PSMA1: variants seen among roughly 807,000 people sequenced by gnomAD.
The protein encoded by PSMA1 is proteasome 20S subunit alpha 1, also known as proteasome subunit alpha type-1.
In PSMA1, 3 loss-of-function variants were observed where a neutral mutation model predicts 38.4. The observed-to-expected ratio is 0.08, with a 90% CI of 0.04 to 0.20. The LOEUF (loss-of-function observed/expected upper bound fraction) is 0.20, where lower values mean the gene tolerates loss of function less well. PSMA1 is among the 10% of genes least tolerant of loss of function. The pLI is 1.00. For missense variants in PSMA1, 227 were observed against 325.3 expected (o/e 0.70, Z 2.32); for synonymous variants, 101 against 107.1 (o/e 0.94, Z 0.35).
chr11:14,619,116 A>G (rs999981564), intron 1 of PSMA1, among the ~76,000 whole-genome samples: 5 of 152,070 alleles, frequency 3.3e-5, no homozygotes. Context: ...AGCCAGGGGG[A>G]AAGACTTAAA....
chr11:14,540,632 G>A (rs1334435494), intron 2 of PSMA1, among the ~76,000 whole-genome samples: 12 of 152,084 alleles, frequency 7.9e-5, no homozygotes. Context: ...AATTGTGAAC[G>A]TAAAAAAGGA....
At chr11:14,560,965 A>G (rs561673932) in intron 2 of PSMA1, among the ~76,000 whole-genome samples, 2 of 152,334 alleles carry the variant, frequency 1.3e-5, no homozygotes, top group South Asian at 4.1e-4. Context: ...AAAATATATG[A>G]AAGGAAAATT....
At chr11:14,610,739 C>T in intron 2 of PSMA1, 2 of 527,356 alleles carry the variant, frequency 3.8e-6, no homozygotes, top group Non-Finnish European at 3.4e-6. Flanking sequence ...TAGGTTAATC[C>T]CTTTCTTTTT....
chr11:14,519,158 C>A (rs1310692196), intron 1 of PSMA1, 117 bp from the exon 2 acceptor site: 1 of 841,412 alleles, frequency 1.2e-6, no homozygotes, highest in Non-Finnish European at 2.0e-6. Flanking sequence ...TCTGTTCATG[C>A]AGTCTTACTG....
intron 1 of PSMA1, among the ~76,000 whole-genome samples, chr11:14,616,448 G>T (rs1456574659): frequency 1.3e-5 from 2 of 151,830 alleles, no homozygotes; most frequent in African/African-American, 4.8e-5. Context: ...GGCTAGGCTG[G>T]TCTCGAACTC....
rs191440521 is a variant in PSMA1, at chr11:14,536,565, A to G, written c.22-17524T>C. Among the ~76,000 whole-genome samples the G allele has an allele frequency of 5.8e-3, 879 of 151,910 alleles. 9 individuals carry two copies. Among genetic ancestry groups the G allele is most frequent in the African/African-American group, 0.02 (835 of 41,434 alleles). ...AACAGAAAAACAAACAAAAAAACTC[A>G]GATATTTCTTCCTCTAATAGGACAA... On this transcript the variant is annotated intron_variant, in intron 2 of 10. Transcript: ENST00000418988.
intron 2 of PSMA1, among the ~76,000 whole-genome samples, chr11:14,607,435 T>G (rs955570949): frequency 1.3e-5 from 2 of 152,214 alleles, no homozygotes; most frequent in East Asian, 3.8e-4. Flanking sequence ...GGGTTGCTTC[T>G]GACCCCAGAA....
chr11:14,607,850 C>A (rs1173293591), intron 2 of PSMA1, among the ~76,000 whole-genome samples: 1 of 152,116 alleles, frequency 6.6e-6, no homozygotes, highest in Non-Finnish European at 1.5e-5. Flanking sequence ...TGTTTTAGTA[C>A]CCTAGTCATC....
intron 7 of PSMA1, 163 bp downstream of exon 7, chr11:14,513,407 G>A (rs1394520457): frequency 5.4e-6 from 4 of 744,052 alleles, no homozygotes; most frequent in African/African-American, 1.8e-5. Context: ...GTTAAGATTA[G>A]TATATGTGAC....
chr11:14,582,479 A>C (rs1429210461), intron 2 of PSMA1, among the ~76,000 whole-genome samples: 1 of 143,604 alleles, frequency 7.0e-6, no homozygotes, highest in Non-Finnish European at 1.5e-5. Flanking sequence ...CAACAACAAC[A>C]ACCAAAAAAC....
intron 7 of PSMA1, 38 bp downstream of exon 7, chr11:14,513,532 C>CAA (rs59773789): frequency 2.4e-4 from 276 of 1,154,544 alleles, no homozygotes; most frequent in South Asian, 6.6e-4. Flanking sequence ...CTGGAAAAGG[C>CAA]AAAAAAAAAA....
At chr11:14,551,316 A>G (rs893776365) in intron 2 of PSMA1, among the ~76,000 whole-genome samples, 1 of 152,218 alleles carries the variant, frequency 6.6e-6, no homozygotes, top group Non-Finnish European at 1.5e-5. Context: ...CAAAGAAATT[A>G]TATGGCTTTC....
chr11:14,507,797 A>G, intron 8 of PSMA1, 31 bp from the exon 9 acceptor site: 1 of 1,392,746 alleles, frequency 7.2e-7, no homozygotes, highest in Non-Finnish European at 1.0e-6. Context: ...AAAGTAAAAT[A>G]AGAGAATTTG....
At chr11:14,611,782 C>T (rs1482864738) in intron 1 of PSMA1, among the ~76,000 whole-genome samples, 1 of 152,124 alleles carries the variant, frequency 6.6e-6, no homozygotes, top group Non-Finnish European at 1.5e-5. Context: ...TGCTCTCTCT[C>T]TCTTCTCTCC....
At chr11:14,580,366 A>G (rs374646379) in intron 2 of PSMA1, among the ~76,000 whole-genome samples, 19 of 152,182 alleles carry the variant, frequency 1.2e-4, no homozygotes, top group African/African-American at 4.3e-4. Context: ...TTGGAATGCT[A>G]TTCTCTGCTG....
At chr11:14,619,809 A>T (rs1038697696) in intron 1 of PSMA1, among the ~76,000 whole-genome samples, 1 of 152,212 alleles carries the variant, frequency 6.6e-6, no homozygotes, top group Non-Finnish European at 1.5e-5. Context: ...GGTGATGAGT[A>T]CTGGGAAAAA....
At chr11:14,596,771 C>T (rs1370477281) in intron 2 of PSMA1, among the ~76,000 whole-genome samples, 1 of 152,206 alleles carries the variant, frequency 6.6e-6, no homozygotes, top group Non-Finnish European at 1.5e-5. Context: ...GCCAGAACTT[C>T]CAACGCTATG....
At chr11:14,517,214 T>A (rs1012826577) in intron 4 of PSMA1, among the ~76,000 whole-genome samples, 3 of 152,218 alleles carry the variant, frequency 2.0e-5, no homozygotes, top group African/African-American at 7.2e-5. Flanking sequence ...CATGTCTGAG[T>A]CACTTATGTA....
At position 14,534,261 on chromosome 11, in the gene PSMA1, G is replaced by C. The variant is rs1851680158; in HGVS notation, c.22-15220C>G. Among the ~76,000 whole-genome samples the C allele has an allele frequency of 1.3e-5, 2 of 152,098 alleles. No individual in the cohort carries two copies. Among genetic ancestry groups the C allele is most frequent in the African/African-American group, 4.8e-5 (2 of 41,406 alleles). On this transcript the variant is annotated intron_variant, in intron 2 of 10. Transcript: ENST00000418988. The surrounding 1 kb of genome is among the most constrained non-coding windows in gnomAD (Gnocchi z 4.5). ...CAAAATAAACTGCCACAAAAAATTT[G>C]TATCAAATTATATATGATTCTTTTT...
Sources: gnomAD v4.1 joint callset for allele counts (sites outside exome capture counted in the v4.1 genomes callset) on GRCh38, gnomAD v4.1.1 for gene constraint, Gnocchi (gnomAD v3.1) non-coding constraint, MANE v1.5 for transcripts, NCBI Gene and HGNC (gene_info 2026-07-23, HGNC 2026-07-21) for gene names.